GPR12: variants seen among roughly 807,000 people sequenced by gnomAD.
GPR12 encodes the protein G protein-coupled receptor 12, also known as G-protein coupled receptor 12.
In GPR12, 7 loss-of-function variants were observed where a neutral mutation model predicts 18.9. That is an observed-to-expected ratio of 0.37 (90% confidence interval 0.21 to 0.70). GPR12 has a LOEUF of 0.70. Ranked by LOEUF, GPR12 falls within the 30% of genes least tolerant of loss-of-function variation. GPR12 has a pLI of 0.54. For missense variants in GPR12, 327 were observed against 427.7 expected (o/e 0.76, Z 2.08); for synonymous variants, 201 against 188.6 (o/e 1.07, Z -0.54).
chr13:26,759,119 A>G lies in GPR12; in HGVS notation c.709T>C (p.Phe237Leu). 1 of 1,613,796 alleles carries G rather than the reference A, an allele frequency of 6.2e-7. No individual in the cohort carries two copies. The highest frequency in any genetic ancestry group is 8.5e-7 in the Non-Finnish European group (1 of 1,179,974). Reference protein sequence around the residue: ...HAHQIALQHHFLATSHYVTTR... With the variant: ...HAHQIALQHHLLATSHYVTTR... ...GTCACATAGTGCGACGTGGCCAGGA[A>G]GTGGTGCTGCAGGGCTATCTGATGG... The change falls in exon 2 of 2, where the codon TTC becomes CTC. Residue 237 changes from phenylalanine (F) to leucine (L), a missense_variant. Transcript: ENST00000405846.
chr13:26,760,137 A>G (rs1355893230), intron 1 of GPR12: 1 of 285,768 alleles, frequency 3.5e-6, no homozygotes, highest in Non-Finnish European at 7.0e-6. Flanking sequence ...TGTTTGCAAC[A>G]GCGCTGGGAA....
Position 26,759,355 on chromosome 13 carries a change from T to A in GPR12, c.473A>T (p.Tyr158Phe), listed in dbSNP as rs1181471004. 2 of 1,613,504 alleles carry A rather than the reference T, an allele frequency of 1.2e-6. No individual in the cohort carries two copies. The highest frequency in any genetic ancestry group is 1.7e-6 in the Non-Finnish European group (2 of 1,179,984). Reference protein sequence around the residue: ...YHSERTVTFTYVMLVMLWGTS... With the variant: ...YHSERTVTFTFVMLVMLWGTS... ...CCCCCAGAGCATGACGAGCATGACA[T>A]AGGTAAACGTGACCGTCCTCTCCGA... Residue 158 changes from tyrosine (Y) to phenylalanine (F), a missense_variant, in exon 2 of 2, where the codon TAT becomes TTT. By Grantham distance (22) the Tyr-to-Phe change is conservative. Transcript: ENST00000405846.
At chr13:26,759,888 GA>G (rs1255282127) in intron 1 of GPR12, 46 bp from the exon 2 acceptor site, 1 of 1,509,272 alleles carries the variant, frequency 6.6e-7, no homozygotes, top group African/African-American at 1.4e-5. Context: ...ACAGCAGGGT[GA>G]CAATCCAAGA....
At position 26,759,779 on chromosome 13, in the gene GPR12, A is replaced by G; in HGVS notation, c.49T>C (p.Leu17=). 1.2e-6 allele frequency: 2 copies of G among 1,604,484 alleles called. No individual in the cohort carries two copies. Among genetic ancestry groups the G allele is most frequent in the Non-Finnish European group, 1.7e-6 (2 of 1,172,312 alleles). ...VNLSGLPRDY[L]DAAAAENISA... ...ATGTTCTCCGCAGCAGCGGCATCTA[A>G]ATAATCCCGAGGCAGCCCGCTTAAA... Residue 17 remains leucine, a synonymous_variant, in exon 2 of 2, where the codon TTA becomes CTA. Coordinates refer to ENST00000405846, the MANE Select transcript of GPR12 (RefSeq NM_005288.4).
rs557365729 is a variant in GPR12 at position 26,758,649 on chromosome 13, T to A, written c.*174A>T. On this transcript the variant is annotated 3_prime_UTR_variant, in exon 2 of 2. Transcript: ENST00000405846. ...TTAATGGTGAAAACACTGGTAACAT[T>A]ATTTTCACTTCAATCACTTAACTCA... is the stretch of plus-strand genomic sequence containing the variant. 2.4e-4 allele frequency: 241 copies of A among 987,580 alleles called. 3 individuals carry two copies. In the South Asian group the frequency reaches 4.8e-3, roughly 20 times the overall value. The allele number at this position is 987,580 out of a possible 1,614,324, so 61.2% of individuals were successfully genotyped here.
Position 26,759,024 on chromosome 13 carries a change from G to A in GPR12, c.804C>T (p.Thr268=), listed in dbSNP as rs1244308171. The A allele has an allele frequency of 1.9e-6, 3 of 1,613,936 alleles. No homozygotes were observed. The highest frequency in any genetic ancestry group is 3.3e-5 in the Admixed American group (2 of 59,998). The change falls in exon 2 of 2, where the codon ACC becomes ACT. Residue 268 remains threonine (T), a synonymous_variant. Coordinates refer to ENST00000405846, the MANE Select transcript of GPR12 (RefSeq NM_005288.4). ...TGTAATCCGCTATCAAGGAATAGAG[G>A]GTGAAAGGCATCCAGCAAGCAGCAA... The part of the protein sequence containing the change: ...GTFAACWMPF[T]LYSLIADYTY...
Position 26,757,593 on chromosome 13 carries a change from G to T in GPR12, c.*1230C>A, listed in dbSNP as rs1003732638. ...GGTTTTTGGTGAAAAGGAGTTAAAA[G>T]ATTTCAAACTTAACTTTTCATCAAC... On this transcript the variant is annotated 3_prime_UTR_variant, in exon 2 of 2. Coordinates refer to ENST00000405846, the MANE Select transcript of GPR12 (RefSeq NM_005288.4). 2.6e-5 allele frequency: 4 copies of T among 152,198 alleles called. No individual in the cohort carries two copies. The highest frequency in any genetic ancestry group is 9.7e-5 in the African/African-American group (4 of 41,442). The allele number at this position is 152,198 out of a possible 1,614,324, so 9.4% of individuals were successfully genotyped here.
At position 26,759,662 on chromosome 13, in the gene GPR12, T is replaced by C. The variant is rs1209054859; in HGVS notation, c.166A>G (p.Thr56Ala). 3 of 1,613,878 alleles carry C rather than the reference T, an allele frequency of 1.9e-6. No individual in the cohort carries two copies. The highest frequency in any genetic ancestry group is 1.6e-4 in the Middle Eastern group (1 of 6,062). The part of the protein sequence containing the change: ...PWDIVLCTSG[T>A]LISCENAIVV... ...ATGGCATTTTCACAGGAGATGAGGG[T>C]TCCCGAGGTACACAAGACAATGTCC... Residue 56 changes from threonine to alanine, a missense_variant, in exon 2 of 2, where the codon ACC (threonine) becomes GCC (alanine). Physicochemically the swap from Thr to Ala is moderately conservative, Grantham distance 58. Coordinates refer to ENST00000405846, the MANE Select transcript of GPR12 (RefSeq NM_005288.4).
In GPR12 at chr13:26,758,485, T is replaced by G; in HGVS notation, c.*338A>C. ...GTCCAGGTAAAAACTCTGAAACTCATTTACTTCTAATAACATCATGGGCGT... is the reference window on the plus strand; with the variant it reads ...GTCCAGGTAAAAACTCTGAAACTCAGTTACTTCTAATAACATCATGGGCGT... On this transcript the variant is annotated 3_prime_UTR_variant, in exon 2 of 2. Coordinates refer to ENST00000405846, the MANE Select transcript of GPR12 (RefSeq NM_005288.4). 1 of 206,040 alleles carries G rather than the reference T, an allele frequency of 4.9e-6. No homozygotes were observed. The highest frequency in any genetic ancestry group is 9.7e-6 in the Non-Finnish European group (1 of 103,536). 12.8% of individuals were successfully genotyped at this position (206,040 alleles called of 1,614,324 possible). A position where few individuals can be genotyped will look rare whatever the true frequency, so the allele number is the denominator to read the frequency against.
intron 1 of GPR12, chr13:26,760,294 G>A (rs1030452323): frequency 5.8e-6 from 1 of 171,280 alleles, no homozygotes; most frequent in Admixed American, 6.1e-5. Flanking sequence ...TATTTCCATC[G>A]AACTCCCACC....
In GPR12 at chr13:26,759,371, T is replaced by C; in HGVS notation, c.457A>G (p.Thr153Ala). The change falls in exon 2 of 2, where the codon ACG (threonine) becomes GCG (alanine). Residue 153 changes from threonine to alanine, a missense_variant. Physicochemically the swap from Thr to Ala is moderately conservative, Grantham distance 58. Transcript: ENST00000405846. ...AGCATGACATAGGTAAACGTGACCGTCCTCTCCGAATGGTACGTCAGAGCG... is the reference window on the plus strand; with the variant it reads ...AGCATGACATAGGTAAACGTGACCGCCCTCTCCGAATGGTACGTCAGAGCG... ...YYALTYHSER[T>A]VTFTYVMLVM... The C allele has an allele frequency of 6.2e-7, 1 of 1,613,788 alleles. No homozygotes were observed. The highest frequency in any genetic ancestry group is 8.5e-7 in the Non-Finnish European group (1 of 1,180,012).
At position 26,758,463 on chromosome 13, in the gene GPR12, C is replaced by A; in HGVS notation, c.*360G>T. 5.5e-6 allele frequency: 1 copy of A among 183,304 alleles called. No individual in the cohort carries two copies. Among genetic ancestry groups the A allele is most frequent in the East Asian group, 1.4e-4 (1 of 7,254 alleles). The allele number at this position is 183,304 out of a possible 1,614,324, so 11.4% of individuals were successfully genotyped here. On this transcript the variant is annotated 3_prime_UTR_variant, in exon 2 of 2. Coordinates refer to ENST00000405846, the MANE Select transcript of GPR12 (RefSeq NM_005288.4). ...AATCACTCAAATTTATTTTAAAGTCCAGGTAAAAACTCTGAAACTCATTTA... is the reference window on the plus strand; with the variant it reads ...AATCACTCAAATTTATTTTAAAGTCAAGGTAAAAACTCTGAAACTCATTTA...
At position 26,757,542 on chromosome 13, in the gene GPR12, A is replaced by G. The variant is rs1023820001; in HGVS notation, c.*1281T>C. The G allele has an allele frequency of 6.6e-6, 1 of 152,242 alleles. No homozygotes were observed. Among genetic ancestry groups the G allele is most frequent in the Non-Finnish European group, 1.5e-5 (1 of 68,034 alleles). 9.4% of individuals were successfully genotyped at this position (152,242 alleles called of 1,614,324 possible). On this transcript the variant is annotated 3_prime_UTR_variant, in exon 2 of 2. Transcript: ENST00000405846. ...ACATTCTTGTTCTCTGAAAACAGGC[A>G]ATGTGATTTTTATTGTGTATAAATT...
chr13:26,759,839 T>C lies in GPR12; in HGVS notation c.-12A>G, dbSNP rs1369995921. ...AGGTCTTCATTCATTTTAACCCCTG[T>C]CCTCTTCAACGAAAAGACAGGCTTT... On this transcript the variant is annotated 5_prime_UTR_variant, in exon 2 of 2. Transcript: ENST00000405846. 3 of 1,544,714 alleles carry C rather than the reference T, an allele frequency of 1.9e-6. No homozygotes were observed. The highest frequency in any genetic ancestry group is 1.4e-5 in the African/African-American group (1 of 72,328).
chr13:26,759,950 C>A, intron 1 of GPR12, 108 bp from the exon 2 acceptor site: 1 of 1,419,890 alleles, frequency 7.0e-7, no homozygotes, highest in Non-Finnish European at 9.3e-7. Flanking sequence ...GCTCAGATAC[C>A]AGTACCAAAT....
At position 26,755,437 on chromosome 13, in the gene GPR12, G is replaced by T. The variant is rs892863937; in HGVS notation, c.*3386C>A. The T allele has an allele frequency of 1.3e-5, 2 of 152,074 alleles. No homozygotes were observed. The highest frequency in any genetic ancestry group is 2.9e-5 in the Non-Finnish European group (2 of 68,004). 9.4% of individuals were successfully genotyped at this position (152,074 alleles called of 1,614,324 possible). A position where few individuals can be genotyped will look rare whatever the true frequency, so the allele number is the denominator to read the frequency against. On this transcript the variant is annotated 3_prime_UTR_variant, in exon 2 of 2. Transcript: ENST00000405846. Reference sequence around the variant, plus strand: ...TTTAAAAAGCCGAAGAAGTCTCCATGATATTTTTATTGGCACTAAGTATCT... The same window carrying T: ...TTTAAAAAGCCGAAGAAGTCTCCATTATATTTTTATTGGCACTAAGTATCT...
In GPR12 at chr13:26,759,753, G is replaced by C; in HGVS notation, c.75C>G (p.Ile25Met). 6.2e-7 allele frequency: 1 copy of C among 1,612,438 alleles called. No homozygotes were observed. Among genetic ancestry groups the C allele is most frequent in the Non-Finnish European group, 8.5e-7 (1 of 1,178,616 alleles). The change falls in exon 2 of 2, where the codon ATC becomes ATG. Residue 25 changes from isoleucine to methionine, a missense_variant. By Grantham distance (10) the Ile-to-Met change is conservative. Coordinates refer to ENST00000405846, the MANE Select transcript of GPR12 (RefSeq NM_005288.4). ...DYLDAAAAENISAAVSSRVPA... is the reference protein window; with the variant it reads ...DYLDAAAAENMSAAVSSRVPA... ...GAACCCGGGAGGAGACAGCAGCCGAGATGTTCTCCGCAGCAGCGGCATCTA... is the reference window on the plus strand; with the variant it reads ...GAACCCGGGAGGAGACAGCAGCCGACATGTTCTCCGCAGCAGCGGCATCTA...
chr13:26,759,303 G>A lies in GPR12; in HGVS notation c.525C>T (p.Pro175=), dbSNP rs777762682. 60 of 1,612,974 alleles carry A rather than the reference G, an allele frequency of 3.7e-5. No homozygotes were observed. The highest frequency in any genetic ancestry group is 1.6e-4 in the Middle Eastern group (1 of 6,084). Residue 175 remains proline, a synonymous_variant, in exon 2 of 2, where the codon CCC becomes CCT. Coordinates refer to ENST00000405846, the MANE Select transcript of GPR12 (RefSeq NM_005288.4). ...WGTSICLGLL[P]VMGWNCLRDE... is the part of the protein sequence containing the mutation. ...CTCGGAGGCAGTTCCAGCCCATGAC[G>A]GGCAGCAGCCCCAGGCAGATGGAGG...
intron 1 of GPR12, chr13:26,760,173 A>T (rs1205995147): frequency 9.3e-6 from 2 of 215,758 alleles, no homozygotes; most frequent in Non-Finnish European, 2.0e-5. Context: ...CACATCTTGC[A>T]TGCTGAAAAC....
Sources: allele counts gnomAD v4.1 joint callset, GRCh38; gene constraint gnomAD v4.1.1; transcripts MANE v1.5; gene names NCBI Gene and HGNC (gene_info 2026-07-23, HGNC 2026-07-21).